The following KCNIP1 variants were observed in gnomAD, a reference collection of about 807,000 sequenced individuals.
KCNIP1 encodes A-type potassium channel modulatory protein KCNIP1.
In KCNIP1, 18 loss-of-function variants were observed where a neutral mutation model predicts 33.0. The ratio of observed to expected loss-of-function variants is 0.55; its 90% CI spans 0.38 to 0.81. KCNIP1 has a LOEUF of 0.81. Ranked by LOEUF, KCNIP1 falls within the 30% of genes least tolerant of loss-of-function variation. KCNIP1 has a pLI of 0.00. For synonymous variants in KCNIP1, 93 were observed against 98.3 expected (o/e 0.95, Z 0.32); for missense variants, 238 against 271.6 (o/e 0.88, Z 0.87).
At chr5:170,477,581 T>C (rs1471936906) in intron 1 of KCNIP1, among the ~76,000 whole-genome samples, 1 of 152,142 alleles carries the variant, frequency 6.6e-6, no homozygotes, top group Non-Finnish European at 1.5e-5. Context: ...TAGCTGGGAT[T>C]ACAGGCACAT....
At chr5:170,482,951 A>G (rs943226499) in intron 1 of KCNIP1, 2 of 369,106 alleles carry the variant, frequency 5.4e-6, no homozygotes, top group African/African-American at 4.3e-5. Flanking sequence ...CAGTATTTCA[A>G]ATAGGTCATG....
chr5:170,400,706 A>G (rs1754881672), intron 1 of KCNIP1, among the ~76,000 whole-genome samples: 1 of 152,224 alleles, frequency 6.6e-6, no homozygotes, highest in African/African-American at 2.4e-5. Flanking sequence ...AGATGGGGAC[A>G]CTGAGGTGGA....
intron 1 of KCNIP1, among the ~76,000 whole-genome samples, chr5:170,372,747 G>A (rs1038761268): frequency 2.0e-5 from 3 of 152,174 alleles, no homozygotes; most frequent in South Asian, 2.1e-4. Context: ...TTGAACATGC[G>A]GAATCAAAGG....
chr5:170,639,410 T>C (rs1387083422), intron 1 of KCNIP1: 1 of 152,164 alleles, frequency 6.6e-6, no homozygotes, highest in Non-Finnish European at 1.5e-5. Flanking sequence ...ATCTGTTGGG[T>C]ATTTGAGTGA....
At chr5:170,601,821 G>A (rs905811) in intron 1 of KCNIP1, among the ~76,000 whole-genome samples, 48,281 of 152,134 alleles carry the variant, frequency 0.32, 8,755 homozygotes, top group Non-Finnish European at 0.42. Flanking sequence ...ACTGGCGGTG[G>A]CTGCTGCCTG....
At chr5:170,665,068 G>A (rs1448389552) in intron 1 of KCNIP1, among the ~76,000 whole-genome samples, 1 of 152,142 alleles carries the variant, frequency 6.6e-6, no homozygotes, top group Non-Finnish European at 1.5e-5. Context: ...ACACAGCGCG[G>A]GGAATGGAAG....
chr5:170,637,641 A>AG (rs1760340314), intron 1 of KCNIP1, among the ~76,000 whole-genome samples: 2 of 152,092 alleles, frequency 1.3e-5, no homozygotes. Flanking sequence ...CTCTTCCTGC[A>AG]GACACCCACG....
chr5:170,504,323 T>C lies in KCNIP1; in HGVS notation c.-250T>C. 7.3e-7 allele frequency: 1 copy of C among 1,369,448 alleles called. No homozygotes were observed. Among genetic ancestry groups the C allele is most frequent in the East Asian group, 2.9e-5 (1 of 33,996 alleles). The allele number at this position is 1,369,448 out of a possible 1,614,324, so 84.8% of individuals were successfully genotyped here. Reference sequence around the variant, plus strand: ...GCGAGGGAACCGCCGGGCCGGGTCCTCGCGCGGGGAAGCGGTTCCGAAGGC... The same window carrying C: ...GCGAGGGAACCGCCGGGCCGGGTCCCCGCGCGGGGAAGCGGTTCCGAAGGC... On this transcript the variant is annotated 5_prime_UTR_variant, in exon 1 of 8. Transcript: ENST00000328939. The surrounding 1 kb of genome is among the most constrained non-coding windows in gnomAD (Gnocchi z 6.0).
chr5:170,657,993 T>G (rs1440501556), intron 1 of KCNIP1, among the ~76,000 whole-genome samples: 2 of 152,178 alleles, frequency 1.3e-5, no homozygotes, highest in Non-Finnish European at 1.5e-5. Flanking sequence ...CATGAGGCTC[T>G]CTAAGAGGTA....
chr5:170,461,981 T>C (rs982603403), intron 1 of KCNIP1, among the ~76,000 whole-genome samples: 1 of 152,160 alleles, frequency 6.6e-6, no homozygotes, highest in Non-Finnish European at 1.5e-5. Context: ...GATCAAGGGC[T>C]TAAATCTAAG....
intron 5 of KCNIP1, among the ~76,000 whole-genome samples, chr5:170,727,352 G>A (rs1430496861): frequency 6.6e-6 from 1 of 152,212 alleles, no homozygotes; most frequent in Non-Finnish European, 1.5e-5. Context: ...TTTTGGTTGT[G>A]AAAATGTTCT....
intron 1 of KCNIP1, among the ~76,000 whole-genome samples, chr5:170,667,757 G>A (rs11956288): frequency 0.095 from 14,489 of 152,280 alleles, 750 homozygotes; most frequent in African/African-American, 0.1. Flanking sequence ...TGCTGGGGAT[G>A]CCAAATAAGT....
intron 1 of KCNIP1, among the ~76,000 whole-genome samples, chr5:170,668,420 G>T (rs1262482558): frequency 1.3e-5 from 2 of 152,210 alleles, no homozygotes; most frequent in Admixed American, 1.3e-4. Flanking sequence ...TATGACACAG[G>T]ACAGGTGGCT....
chr5:170,692,133 C>T (rs1203344244), intron 1 of KCNIP1, among the ~76,000 whole-genome samples: 1 of 152,138 alleles, frequency 6.6e-6, no homozygotes, highest in Non-Finnish European at 1.5e-5. Flanking sequence ...GCAACACATT[C>T]ATTGGCCAGA....
intron 1 of KCNIP1, among the ~76,000 whole-genome samples, chr5:170,696,199 T>C (rs990566082): frequency 6.6e-6 from 1 of 152,174 alleles, no homozygotes; most frequent in African/African-American, 2.4e-5. Flanking sequence ...TACACTTCCC[T>C]CACTCTTTTC....
At chr5:170,444,814 T>C (rs1756074721) in intron 1 of KCNIP1, among the ~76,000 whole-genome samples, 2 of 152,100 alleles carry the variant, frequency 1.3e-5, no homozygotes, top group Admixed American at 6.5e-5. Context: ...CAGAATGGCA[T>C]TTCTGATTGA....
intron 1 of KCNIP1, among the ~76,000 whole-genome samples, chr5:170,457,588 G>C (rs1443640895): frequency 6.6e-6 from 1 of 152,182 alleles, no homozygotes; most frequent in Non-Finnish European, 1.5e-5. Flanking sequence ...ATCCAGAAGA[G>C]AGATAACAAT....
At chr5:170,568,555 G>A (rs1169829433) in intron 1 of KCNIP1, among the ~76,000 whole-genome samples, 3 of 144,532 alleles carry the variant, frequency 2.1e-5, no homozygotes, top group Non-Finnish European at 4.5e-5. Flanking sequence ...GCTCACACCT[G>A]TAATCCCAGC....
intron 1 of KCNIP1, among the ~76,000 whole-genome samples, chr5:170,474,643 G>T (rs984860092): frequency 6.6e-6 from 1 of 152,168 alleles, no homozygotes; most frequent in Non-Finnish European, 1.5e-5. Flanking sequence ...GGTATTACTT[G>T]CATTTTGCTG....
Sources: gnomAD v4.1 joint callset for allele counts (sites outside exome capture counted in the v4.1 genomes callset) on GRCh38, gnomAD v4.1.1 for gene constraint, Gnocchi (gnomAD v3.1) non-coding constraint, MANE v1.5 for transcripts, NCBI Gene and HGNC (gene_info 2026-07-23, HGNC 2026-07-21) for gene names.